GABRQ: variants seen among roughly 807,000 people sequenced by gnomAD.
The protein encoded by GABRQ is gamma-aminobutyric acid receptor subunit theta.
Under a neutral mutation model 30.5 loss-of-function variants are expected in GABRQ, and 19 were observed. That is an observed-to-expected ratio of 0.62 (90% CI 0.43 to 0.91). GABRQ has a LOEUF of 0.91. Ranked by LOEUF, GABRQ falls within the 40% of genes least tolerant of loss-of-function variation. GABRQ has a pLI of 0.00. For missense variants in GABRQ, 520 were observed against 521.4 expected (o/e 1.00, Z 0.03); for synonymous variants, 187 against 210.2 (o/e 0.89, Z 0.95).
At position 152,638,069 on chromosome X, in the gene GABRQ, A is replaced by G. The variant is rs1222337735; in HGVS notation, c.-134A>G. On this transcript the variant is annotated 5_prime_UTR_variant, in exon 1 of 9. Coordinates refer to ENST00000598523, the MANE Select transcript of GABRQ (RefSeq NM_018558.4). ...CCCTTGCCCTCGCTGCTCTCTCCTTAGAGGCGACTCTTTGGGGAAGGGCCA... is the reference window on the plus strand; with the variant it reads ...CCCTTGCCCTCGCTGCTCTCTCCTTGGAGGCGACTCTTTGGGGAAGGGCCA... 5.4e-6 allele frequency: 3 copies of G among 550,773 alleles called. No individual in the cohort carries two copies. In the African/African-American group the frequency reaches 7.0e-5, roughly 13 times the overall value. The allele number at this position is 550,773 out of a possible 1,213,427, so 45.4% of individuals were successfully genotyped here.
chrX:152,645,485 T>G (rs370082575), intron 2 of GABRQ, 42 bp from the exon 3 acceptor site: 2 of 850,063 alleles, frequency 2.4e-6, no homozygotes, highest in Non-Finnish European at 3.5e-6. Context: ...GCTCTTAACC[T>G]TTATTCTACC....
intron 7 of GABRQ, 103 bp from the exon 8 acceptor site, chrX:152,651,423 C>T (rs1931016617): frequency 9.5e-6 from 6 of 632,079 alleles, no homozygotes; most frequent in Non-Finnish European, 1.5e-5. Context: ...AAGGCCTTTG[C>T]TGTGGGCCCT....
chrX:152,640,398 C>T lies in GABRQ; in HGVS notation c.170C>T (p.Ala57Val), dbSNP rs782131252. ...LFNCKNCANE[A>V]VVQKILDRVL... ...TTCAGCAAAAATTGTGCAAATGAAG[C>T]TGTGGTTCAAAAGATTTTGGACAGG... The change falls in exon 2 of 9, where the codon GCT becomes GTT. Residue 57 changes from alanine to valine, a missense_variant. Coordinates refer to ENST00000598523, the MANE Select transcript of GABRQ (RefSeq NM_018558.4). The T allele has an allele frequency of 3.3e-6, 4 of 1,201,417 alleles. No homozygotes were observed. The Admixed American group carries it at 8.7e-5, about 26-fold the overall frequency.
At chrX:152,645,886 T>C (rs1930876043) in intron 3 of GABRQ, among the ~76,000 whole-genome samples, 1 of 112,578 alleles carries the variant, frequency 8.9e-6, no homozygotes, top group Non-Finnish European at 1.9e-5. Context: ...TAGGATTTCT[T>C]TAAAAAGACA....
At position 152,638,786 on chromosome X, in the gene GABRQ, T is replaced by C. The variant is rs954500631; in HGVS notation, c.149+435T>C. Among the ~76,000 whole-genome samples the C allele has an allele frequency of 5.4e-5, 6 of 110,812 alleles. No homozygotes were observed. The Admixed American group carries it at 5.7e-4, about 10-fold the overall frequency. On this transcript the variant is annotated intron_variant, in intron 1 of 8. Transcript: ENST00000598523. ...TAGACAGGAGAGACACCTGTTTGAG[T>C]CTACATTTTAGTCCATTTCCTGAGG...
At chrX:152,651,073 T>G (rs1931008979) in intron 7 of GABRQ, among the ~76,000 whole-genome samples, 1 of 111,843 alleles carries the variant, frequency 8.9e-6, no homozygotes, top group Admixed American at 9.5e-5. Flanking sequence ...CTGGTTTGTC[T>G]GGCCCCATCC....
rs782342198 is a variant in GABRQ at position 152,640,518 on chromosome X, G to A, written c.238+52G>A. The A allele has an allele frequency of 5.9e-5, 44 of 745,306 alleles. No homozygotes were observed. In the South Asian group the frequency reaches 9.0e-4, roughly 15 times the overall value. 61.4% of individuals were successfully genotyped at this position (745,306 alleles called of 1,213,427 possible). ...CTTGGGTTAGGTGTCCTAGAGCTGA[G>A]ACACAGCAAGCCAGCCCTGCCCTGT... On this transcript the variant is annotated intron_variant, in intron 2 of 8. Transcript: ENST00000598523.
Position 152,638,298 on chromosome X carries a change from C to A in GABRQ, c.96C>A (p.Phe32Leu). Residue 32 changes from phenylalanine to leucine, a missense_variant, in exon 1 of 9, where the codon TTC becomes TTA. By Grantham distance (22) the Phe-to-Leu change is conservative. Coordinates refer to ENST00000598523, the MANE Select transcript of GABRQ (RefSeq NM_018558.4). ...ACTACCCCAGTCCCATCCCGAAATT[C>A]CACTTCGAGTTCTCCTCTGCTGTGC... ...EGNYPSPIPKFHFEFSSAVPE... is the reference protein window; with the variant it reads ...EGNYPSPIPKLHFEFSSAVPE... The A allele has an allele frequency of 8.3e-7, 1 of 1,211,223 alleles. No homozygotes were observed. The highest frequency in any genetic ancestry group is 1.1e-6 in the Non-Finnish European group (1 of 894,476).
In GABRQ at chrX:152,651,367, G is replaced by T. The variant is rs782428006; in HGVS notation, c.902-159G>T. On this transcript the variant is annotated intron_variant, in intron 7 of 8. Transcript: ENST00000598523. ...TAAGAAGTCATTGAACCAGTGAAGC[G>T]TGGGCTGAGTTTAAAGATGGGGGAA... Among the ~76,000 whole-genome samples the T allele has an allele frequency of 3.6e-5, 4 of 112,129 alleles. No individual in the cohort carries two copies. The South Asian group carries it at 1.5e-3, about 42-fold the overall frequency.
At position 152,651,773 on chromosome X, in the gene GABRQ, A is replaced by T; in HGVS notation, c.1149A>T (p.Gly383=). 8.3e-7 allele frequency: 1 copy of T among 1,210,756 alleles called. No individual in the cohort carries two copies. The highest frequency in any genetic ancestry group is 1.1e-6 in the Non-Finnish European group (1 of 894,771). The change falls in exon 8 of 9, where the codon GGA becomes GGT. Residue 383 remains glycine, a synonymous_variant. Transcript: ENST00000598523. ...ARYRYQQVVV[G]NVQDGLINVE... ...ACCGCTACCAGCAAGTGGTGGTAGG[A>T]AACGTGCAGGTTTGACTTTTTGACT...
chrX:152,640,612 A>G, intron 2 of GABRQ, 146 bp downstream of exon 2: 1 of 533,258 alleles, frequency 1.9e-6, no homozygotes, highest in Non-Finnish European at 3.4e-6. Context: ...CTGACTCTGC[A>G]GAGACCAGCA....
chrX:152,651,583 C>G lies in GABRQ; in HGVS notation c.959C>G (p.Pro320Arg), dbSNP rs1556820216. ...GACTCACATCTGCGGGATAAGCTCC[C>G]CAACATTTCCTGTATCAAGGCCATT... ...TIDSHLRDKL[P>R]NISCIKAIDI... Residue 320 changes from proline to arginine, a missense_variant, in exon 8 of 9, where the codon CCC becomes CGC. Transcript: ENST00000598523. 3.5e-5 allele frequency: 42 copies of G among 1,206,311 alleles called. No homozygotes were observed. Among genetic ancestry groups the G allele is most frequent in the Non-Finnish European group, 4.6e-5 (41 of 890,225 alleles).
Position 152,649,734 on chromosome X carries a change from C to T in GABRQ, c.611-8C>T. On this transcript the variant is annotated splice_region_variant and splice_polypyrimidine_tract_variant and intron_variant, in intron 5 of 8. Transcript: ENST00000598523. ...ATCTGAGACTACCTCTGTTTCTCTC[C>T]TTCCCAGATGGTTACACGGTTGAAG... 8.5e-7 allele frequency: 1 copy of T among 1,183,402 alleles called. No individual in the cohort carries two copies.
At chrX:152,647,679 C>T (rs782491188) in intron 4 of GABRQ, among the ~76,000 whole-genome samples, 32 of 111,495 alleles carry the variant, frequency 2.9e-4, no homozygotes, top group African/African-American at 9.8e-4. Context: ...TCCAGGAGTG[C>T]GGAGGGGCAG....
Position 152,644,224 on chromosome X carries a change from A to G in GABRQ, c.239-1303A>G, listed in dbSNP as rs781964028. ...ACAAACACACTCACAAATTCACTCA[A>G]AAACGACACATATTAACATCCTCAC... On this transcript the variant is annotated intron_variant, in intron 2 of 8. Transcript: ENST00000598523. Among the ~76,000 whole-genome samples, 63 of 111,167 alleles carry G rather than the reference A, an allele frequency of 5.7e-4. No homozygotes were observed. The South Asian group carries it at 0.011, about 19-fold the overall frequency.
chrX:152,650,325 C>A, intron 6 of GABRQ, 103 bp from the exon 7 acceptor site: 1 of 698,038 alleles, frequency 1.4e-6, no homozygotes, highest in Non-Finnish European at 2.2e-6. Context: ...GTATTACAAG[C>A]TGAACTTCCC....
intron 7 of GABRQ, 45 bp from the exon 8 acceptor site, chrX:152,651,481 C>T (rs782803760): frequency 1.4e-5 from 16 of 1,156,163 alleles, no homozygotes; most frequent in Admixed American, 1.3e-4. Context: ...TTGCCAAGAA[C>T]GTTAGCCATC....
chrX:152,652,481 C>G, intron 8 of GABRQ, 60 bp from the exon 9 acceptor site: 2 of 998,322 alleles, frequency 2.0e-6, no homozygotes, highest in Non-Finnish European at 2.8e-6. Flanking sequence ...CTCCCTCCCC[C>G]CAGTGCATAT....
intron 3 of GABRQ, among the ~76,000 whole-genome samples, chrX:152,646,249 C>T (rs1930884311): frequency 8.9e-6 from 1 of 112,116 alleles, no homozygotes; most frequent in Admixed American, 9.5e-5. Context: ...CCATTACATA[C>T]CAAATTAGCA....
Sources: allele counts gnomAD v4.1 joint callset (sites outside exome capture counted in the v4.1 genomes callset), GRCh38; gene constraint gnomAD v4.1.1; transcripts MANE v1.5; gene names NCBI Gene and HGNC (gene_info 2026-07-23, HGNC 2026-07-21).